Variants in HTR4 observed in about 807,000 individuals in gnomAD.
The protein encoded by HTR4 is 5-hydroxytryptamine (serotonin) receptor 4, G protein-coupled.
HTR4 carries 16 observed loss-of-function variants against 36.8 expected under a neutral mutation model. The ratio of observed to expected loss-of-function variants is 0.43; its 90% CI spans 0.29 to 0.66. The LOEUF is 0.66. Ranked by LOEUF, HTR4 falls within the 30% of genes least tolerant of loss-of-function variation. The pLI, the probability that HTR4 is intolerant of heterozygous loss-of-function variation, is 0.13. For synonymous variants in HTR4, 189 were observed against 185.1 expected (o/e 1.02, Z -0.17); for missense variants, 438 against 490.9 (o/e 0.89, Z 1.02).
At chr5:148,457,957 A>T (rs1205009776) in intron 5 of HTR4, among the ~76,000 whole-genome samples, 4 of 130,358 alleles carry the variant, frequency 3.1e-5, no homozygotes, top group Non-Finnish European at 6.4e-5. Context: ...TATTAAATAT[A>T]TATTAAAATA....
rs182014157 is a variant in HTR4, at chr5:148,482,609, C to G, written c.*594G>C. ...TGGACGTCTGGGACTGACAAGGGGG[C>G]CAACCAAGAGGATGCACGTTTGGAC... is the stretch of plus-strand genomic sequence containing the variant. On this transcript the variant is annotated 3_prime_UTR_variant, in exon 7 of 7. Coordinates refer to ENST00000377888, the MANE Select transcript of HTR4 (RefSeq NM_000870.7). 687 of 987,076 alleles carry G rather than the reference C, an allele frequency of 7.0e-4. 9 individuals are homozygous for G. In the African/African-American group the frequency reaches 0.011, roughly 16 times the overall value. 61.1% of individuals were successfully genotyped at this position (987,076 alleles called of 1,614,324 possible). A position where few individuals can be genotyped will look rare whatever the true frequency, so the allele number is the denominator to read the frequency against.
At chr5:148,537,438 A>G (rs974590783) in intron 4 of HTR4, among the ~76,000 whole-genome samples, 1 of 152,308 alleles carries the variant, frequency 6.6e-6, no homozygotes. Flanking sequence ...CAAAAGATCA[A>G]TGAACCCAGA....
At position 148,504,787 on chromosome 5, in the gene HTR4, C is replaced by T. The variant is rs9763479; in HGVS notation, c.1076+4669G>A. On this transcript the variant is annotated intron_variant, in intron 6 of 6. Coordinates refer to ENST00000377888, the MANE Select transcript of HTR4 (RefSeq NM_000870.7). ...AGAAAAGAGAGAAGAATCAAATAGACGCAATAAAAAATGATTAAGGGGATA... is the reference window on the plus strand; with the variant it reads ...AGAAAAGAGAGAAGAATCAAATAGATGCAATAAAAAATGATTAAGGGGATA... Among the ~76,000 whole-genome samples, 872 of 152,080 alleles carry T rather than the reference C, an allele frequency of 5.7e-3. 5 individuals are homozygous for T. Among genetic ancestry groups the T allele is most frequent in the African/African-American group, 0.02 (810 of 41,492 alleles).
At chr5:148,561,385 T>A (rs1452621587) in intron 2 of HTR4, among the ~76,000 whole-genome samples, 1 of 150,430 alleles carries the variant, frequency 6.6e-6, no homozygotes, top group Non-Finnish European at 1.5e-5. Context: ...GAGATCTACA[T>A]CTGGAGAGAT....
chr5:148,606,414 C>G (rs577620599), intron 2 of HTR4, among the ~76,000 whole-genome samples: 3 of 152,084 alleles, frequency 2.0e-5, no homozygotes, highest in African/African-American at 7.2e-5. Context: ...CATGTGAACA[C>G]AGTTGAAGGT....
chr5:148,628,048 G>A (rs961075630), intron 2 of HTR4, among the ~76,000 whole-genome samples: 6 of 152,158 alleles, frequency 3.9e-5, no homozygotes, highest in East Asian at 1.9e-4. Context: ...TCACAGTTAC[G>A]ACTCTGGTAA....
intron 4 of HTR4, among the ~76,000 whole-genome samples, chr5:148,542,295 T>G (rs1759157250): frequency 1.3e-5 from 2 of 152,194 alleles, no homozygotes; most frequent in Non-Finnish European, 2.9e-5. Flanking sequence ...TCAATCCTAT[T>G]GGGAAAACAA....
rs781780161 is a variant in HTR4, at chr5:148,576,110, C to CAAAAAAAAAAAA, written c.27-25860_27-25849dup. Among the ~76,000 whole-genome samples the CAAAAAAAAAAAA allele has an allele frequency of 4.2e-3, 136 of 32,680 alleles. 17 individuals carry two copies. Among genetic ancestry groups the CAAAAAAAAAAAA allele is most frequent in the African/African-American group, 0.015 (109 of 7,502 alleles). The allele number at this position is 32,680 out of a possible 152,430, so 21.4% of individuals were successfully genotyped here. A position where few individuals can be genotyped will look rare whatever the true frequency, so the allele number is the denominator to read the frequency against. ...TGGGCGACAGAGCGAGACTCCGTCT[C>CAAAAAAAAAAAA]AAAAAAAAAAAAAAAAAAAAAAACA... On this transcript the variant is annotated intron_variant, in intron 2 of 6. Coordinates refer to ENST00000377888, the MANE Select transcript of HTR4 (RefSeq NM_000870.7).
At chr5:148,585,495 C>T (rs1028733165) in intron 2 of HTR4, among the ~76,000 whole-genome samples, 7 of 152,164 alleles carry the variant, frequency 4.6e-5, no homozygotes, top group African/African-American at 1.4e-4. Flanking sequence ...CCATGCTAGT[C>T]ACTGTTGATA....
chr5:148,514,377 CT>C (rs1252630442), intron 5 of HTR4, among the ~76,000 whole-genome samples: 1 of 152,020 alleles, frequency 6.6e-6, no homozygotes, highest in South Asian at 2.1e-4. Context: ...GTTTTCTCCC[CT>C]TTTTTTATTG....
chr5:148,524,090 C>A (rs1322455243), intron 4 of HTR4, among the ~76,000 whole-genome samples: 1 of 152,024 alleles, frequency 6.6e-6, no homozygotes, highest in East Asian at 1.9e-4. Context: ...TTTTAAAATG[C>A]AGATCCCAAG....
chr5:148,493,122 A>T (rs1048716436), intron 6 of HTR4, among the ~76,000 whole-genome samples: 21 of 152,174 alleles, frequency 1.4e-4, no homozygotes, highest in African/African-American at 4.8e-4. Flanking sequence ...GTGTTCTTTT[A>T]AAGTTTTTAT....
downstream of HTR4, chr5:148,476,639 A>G (rs1330660755): frequency 5.0e-6 from 8 of 1,585,880 alleles, no homozygotes; most frequent in Admixed American, 1.9e-5. Context: ...AAACAAATAC[A>G]TCCAATGAAT....
At position 148,482,666 on chromosome 5, in the gene HTR4, TGGCACAGAACAGGGCGAAGAAGA is replaced by T. The variant is rs1397355765; in HGVS notation, c.*514_*536del. 6.0e-6 allele frequency: 6 copies of T among 992,120 alleles called. No homozygotes were observed. Among genetic ancestry groups the T allele is most frequent in the Non-Finnish European group, 7.2e-6 (6 of 833,312 alleles). 61.5% of individuals were successfully genotyped at this position (992,120 alleles called of 1,614,324 possible). On this transcript the variant is annotated 3_prime_UTR_variant, in exon 7 of 7. Transcript: ENST00000377888. ...ACAGGGAGAAAAGTGTGTTAGCGTC[TGGCACAGAACAGGGCGAAGAAGA>T]GGCAGGGGATAGCTTGAACATGGCT...
chr5:148,529,849 C>G (rs1758466713), intron 4 of HTR4, among the ~76,000 whole-genome samples: 1 of 152,122 alleles, frequency 6.6e-6, no homozygotes. Context: ...CTGAGGTGGT[C>G]TCAGATAGAG....
intron 5 of HTR4, among the ~76,000 whole-genome samples, chr5:148,465,414 A>C (rs1755399870): frequency 6.6e-6 from 1 of 152,128 alleles, no homozygotes; most frequent in Non-Finnish European, 1.5e-5. Context: ...CTCTTTAGAA[A>C]ACTTTTTTAA....
At chr5:148,595,453 T>C (rs1561640367) in intron 2 of HTR4, among the ~76,000 whole-genome samples, 1 of 152,074 alleles carries the variant, frequency 6.6e-6, no homozygotes, top group Non-Finnish European at 1.5e-5. Flanking sequence ...CTTCATCCCA[T>C]TTTCCTCTCT....
chr5:148,568,701 A>T (rs1473420770), intron 2 of HTR4, among the ~76,000 whole-genome samples: 1 of 152,162 alleles, frequency 6.6e-6, no homozygotes, highest in Non-Finnish European at 1.5e-5. Flanking sequence ...GCATACTCTC[A>T]GGACTGGTTA....
intron 2 of HTR4, among the ~76,000 whole-genome samples, chr5:148,604,685 T>C (rs555175766): frequency 6.6e-6 from 1 of 152,310 alleles, no homozygotes; most frequent in Non-Finnish European, 1.5e-5. Context: ...AATTAATCAC[T>C]TTTGCAAGCA....
Sources: allele counts gnomAD v4.1 joint callset (sites outside exome capture counted in the v4.1 genomes callset), GRCh38; gene constraint gnomAD v4.1.1; transcripts MANE v1.5; gene names NCBI Gene and HGNC (gene_info 2026-07-23, HGNC 2026-07-21).